Variants in SYDE2 observed in about 807,000 individuals in gnomAD.
The protein encoded by SYDE2 is synapse defective Rho GTPase homolog 2.
Under a neutral mutation model 91.5 loss-of-function variants are expected in SYDE2, and 76 were observed. That is an observed-to-expected ratio of 0.83 (90% CI 0.69 to 1.01). SYDE2 has a LOEUF of 1.01. Ranked by LOEUF, SYDE2 falls within the 50% of genes least tolerant of loss-of-function variation. SYDE2 has a pLI of 0.00. For synonymous variants in SYDE2, 513 were observed against 506.4 expected, an observed-to-expected ratio of 1.01 and a Z score of -0.18; for missense variants, 1,364 against 1,367.7, an observed-to-expected ratio of 1.00 and a Z score of 0.04.
intron 5 of SYDE2, among the ~76,000 whole-genome samples, chr1:85,165,287 C>T (rs529263636): frequency 1.3e-5 from 2 of 152,268 alleles, no homozygotes; most frequent in Admixed American, 6.5e-5. Context: ...TTAAAATATA[C>T]ATTCTTTATA....
intron 3 of SYDE2, chr1:85,181,854 T>C (rs756150540): frequency 2.9e-6 from 1 of 339,788 alleles, no homozygotes; most frequent in Non-Finnish European, 5.3e-6. Context: ...GATTTCTAAT[T>C]ATAAGACCCA....
At chr1:85,155,021 AAAAAG>A (rs1200169188), downstream of SYDE2, among the ~76,000 whole-genome samples, 5 of 150,310 alleles carry the variant, frequency 3.3e-5, no homozygotes, top group African/African-American at 9.8e-5. Context: ...AAAAAAAAAA[AAAAAG>A]AAAAGAAAAA....
At chr1:85,167,441 A>G (rs1226055229) in intron 5 of SYDE2, among the ~76,000 whole-genome samples, 4 of 152,320 alleles carry the variant, frequency 2.6e-5, no homozygotes, top group Admixed American at 2.0e-4. Context: ...ACTCAATGGT[A>G]TATCACACAG....
At chr1:85,162,447 G>C (rs1444236961) in intron 6 of SYDE2, among the ~76,000 whole-genome samples, 1 of 152,134 alleles carries the variant, frequency 6.6e-6, no homozygotes, top group Non-Finnish European at 1.5e-5. Flanking sequence ...TCAACAGCAG[G>C]TGATTGACAG....
intron 6 of SYDE2, chr1:85,161,033 G>A (rs1657035356): frequency 1.0e-6 from 1 of 982,002 alleles, no homozygotes; most frequent in Non-Finnish European, 1.2e-6. Flanking sequence ...TGTCAGAGTG[G>A]TTTACAACTA....
At chr1:85,160,752 G>C (rs1254261706) in intron 6 of SYDE2, 1 of 985,100 alleles carries the variant, frequency 1.0e-6, no homozygotes, top group Non-Finnish European at 1.2e-6. Context: ...TGCTAGCCTT[G>C]AGGTTATCTG....
chr1:85,182,632 A>G lies in SYDE2; in HGVS notation c.2010T>C (p.Asp670=). The G allele has an allele frequency of 1.2e-6, 2 of 1,613,916 alleles. No individual in the cohort carries two copies. Among genetic ancestry groups the G allele is most frequent in the Non-Finnish European group, 1.7e-6 (2 of 1,179,852 alleles). Residue 670 remains aspartate, a synonymous_variant, in exon 3 of 7, where the codon GAT becomes GAC. Transcript: ENST00000341460. Reference sequence around the variant, plus strand: ...ATATGTACTGTGAACACTTAGGTTGATCAGAAAAGCTATAATGCCTAAAAG... The same window carrying G: ...ATATGTACTGTGAACACTTAGGTTGGTCAGAAAAGCTATAATGCCTAAAAG... ...IDAFRHYSFS[D]QPKCSQYISG...
chr1:85,174,879 A>G (rs995852854), intron 4 of SYDE2, among the ~76,000 whole-genome samples: 1 of 152,256 alleles, frequency 6.6e-6, no homozygotes, highest in African/African-American at 2.4e-5. Context: ...CAGAGAACAT[A>G]TAATATGTAT....
At chr1:85,193,680 G>C (rs1018812970) in intron 1 of SYDE2, among the ~76,000 whole-genome samples, 13 of 152,036 alleles carry the variant, frequency 8.6e-5, no homozygotes, top group African/African-American at 3.1e-4. Context: ...CTGGAGCACA[G>C]TGGCACCATT....
In SYDE2 at chr1:85,159,177, C is replaced by T. The variant is rs1228689832; in HGVS notation, c.3158G>A (p.Arg1053Lys). 1.3e-6 allele frequency: 1 copy of T among 780,708 alleles called. No homozygotes were observed. Among genetic ancestry groups the T allele is most frequent in the South Asian group, 1.3e-5 (1 of 74,584 alleles). The allele number at this position is 780,708 out of a possible 1,614,324, so 48.4% of individuals were successfully genotyped here. A position where few individuals can be genotyped will look rare whatever the true frequency, so the allele number is the denominator to read the frequency against. ...PEQKSSLNYL[R>K]QKKERPHMLN... ...CATATGAGGTCGTTCTTTCTTCTGC[C>T]TCAGATAATTCAGAGAAGACTTCTG... The change falls in exon 7 of 7, where the codon AGG becomes AAG. Residue 1053 changes from arginine to lysine, a missense_variant. Arg to Lys is a conservative substitution (Grantham distance 26). Transcript: ENST00000341460.
At chr1:85,199,440 T>C (rs774780548) in intron 1 of SYDE2, among the ~76,000 whole-genome samples, 1 of 152,180 alleles carries the variant, frequency 6.6e-6, no homozygotes, top group Non-Finnish European at 1.5e-5. Context: ...ACATACAAAA[T>C]AGGGAGCTTA....
chr1:85,200,355 G>C lies in SYDE2; in HGVS notation c.642C>G (p.Pro214=). 6.2e-7 allele frequency: 1 copy of C among 1,614,014 alleles called. No homozygotes were observed. The highest frequency in any genetic ancestry group is 8.5e-7 in the Non-Finnish European group (1 of 1,179,900). The change falls in exon 1 of 7, where the codon CCC becomes CCG. Residue 214 remains proline, a synonymous_variant. Transcript: ENST00000341460. The part of the protein sequence containing the change: ...GMKGRARGTA[P]KVTGTQAASP... ...AGGCTGCCTGCGTTCCTGTGACTTT[G>C]GGAGCCGTCCCACGGGCACGACCCT... is the stretch of plus-strand genomic sequence containing the variant.
intron 5 of SYDE2, among the ~76,000 whole-genome samples, chr1:85,166,772 T>C (rs1433424835): frequency 1.3e-5 from 2 of 152,190 alleles, no homozygotes; most frequent in African/African-American, 2.4e-5. Flanking sequence ...CCAGCAATAA[T>C]TGTGATCATA....
chr1:85,190,766 A>G lies in SYDE2; in HGVS notation c.746-14T>C, dbSNP rs1658336089. The G allele has an allele frequency of 6.4e-7, 1 of 1,570,840 alleles. No homozygotes were observed. Among genetic ancestry groups the G allele is most frequent in the African/African-American group, 1.4e-5 (1 of 73,166 alleles). ...TTTCAAATAAATCTGTTGCAAAGATAGAATAGAAGGTAGAATATAATGGCT... is the reference window on the plus strand; with the variant it reads ...TTTCAAATAAATCTGTTGCAAAGATGGAATAGAAGGTAGAATATAATGGCT... On this transcript the variant is annotated splice_polypyrimidine_tract_variant and intron_variant, in intron 1 of 6. Coordinates refer to ENST00000341460, the MANE Select transcript of SYDE2 (RefSeq NM_032184.2).
At position 85,160,152 on chromosome 1, in the gene SYDE2, G is replaced by A. The variant is rs565589886; in HGVS notation, c.3086-903C>T. On this transcript the variant is annotated intron_variant, in intron 6 of 6. Transcript: ENST00000341460. ...TATCTTTCTCTTTCTGCATGAATAA[G>A]TGCCCCTTCCTATTTCCCTGCACTA... 4.1e-6 allele frequency: 4 copies of A among 985,142 alleles called. No homozygotes were observed. In the South Asian group the frequency reaches 1.4e-4, roughly 35 times the overall value. The allele number at this position is 985,142 out of a possible 1,614,324, so 61.0% of individuals were successfully genotyped here.
intron 5 of SYDE2, among the ~76,000 whole-genome samples, chr1:85,167,230 A>C (rs901563425): frequency 1.3e-5 from 2 of 151,080 alleles, no homozygotes; most frequent in South Asian, 4.2e-4. Flanking sequence ...AAAAAAAAAA[A>C]CCAGAAAAAA....
downstream of SYDE2, among the ~76,000 whole-genome samples, chr1:85,156,094 A>G (rs974279823): frequency 4.6e-5 from 7 of 152,194 alleles, no homozygotes; most frequent in African/African-American, 7.2e-5. Context: ...GGCTTAAATG[A>G]TAAGAAACAG....
chr1:85,175,455 G>C (rs1004554039), intron 4 of SYDE2, among the ~76,000 whole-genome samples: 1 of 152,208 alleles, frequency 6.6e-6, no homozygotes, highest in Non-Finnish European at 1.5e-5. Context: ...CTGCACTCCA[G>C]CTTGGGCTAC....
At chr1:85,178,345 G>GCAATC (rs1358675518) in intron 3 of SYDE2, 73 bp from the exon 4 acceptor site, 21 of 1,364,372 alleles carry the variant, frequency 1.5e-5, no homozygotes. Context: ...TAGATCACAT[G>GCAATC]AACTTTGCAA....
Sources: allele counts gnomAD v4.1 joint callset (sites outside exome capture counted in the v4.1 genomes callset), GRCh38; gene constraint gnomAD v4.1.1; transcripts MANE v1.5; gene names NCBI Gene and HGNC (gene_info 2026-07-23, HGNC 2026-07-21).